The following NAPEPLD variants were observed in gnomAD, a reference collection of about 807,000 sequenced individuals.
NAPEPLD encodes the protein N-acyl-phosphatidylethanolamine-hydrolyzing phospholipase D.
NAPEPLD carries 23 observed loss-of-function variants against 38.1 expected under a neutral mutation model. The observed-to-expected ratio is 0.60, with a 90% CI of 0.43 to 0.86. The LOEUF is 0.86. Among genes scored for constraint, NAPEPLD ranks in the 40% least tolerant of loss-of-function variants. NAPEPLD has a pLI of 0.00. For missense variants in NAPEPLD, 411 were observed against 476.8 expected, an observed-to-expected ratio of 0.86 and a Z score of 1.28; for synonymous variants, 147 against 162.0, an observed-to-expected ratio of 0.91 and a Z score of 0.71.
At chr7:103,145,742 T>C (rs1812407793) in intron 1 of NAPEPLD, among the ~76,000 whole-genome samples, 1 of 152,358 alleles carries the variant, frequency 6.6e-6, no homozygotes, top group Middle Eastern at 3.4e-3. Context: ...TGGCTGATGA[T>C]GGAGCCTGGA....
intron 4 of NAPEPLD, among the ~76,000 whole-genome samples, chr7:103,113,818 C>T (rs947299704): frequency 6.6e-6 from 1 of 151,368 alleles, no homozygotes; most frequent in Admixed American, 6.6e-5. Context: ...GATGGGTTTT[C>T]ATCATGTTGG....
At position 103,120,366 on chromosome 7, in the gene NAPEPLD, G is replaced by T. The variant is rs10252006; in HGVS notation, c.295-143C>A. On this transcript the variant is annotated intron_variant, in intron 2 of 4. Coordinates refer to ENST00000465647, the MANE Select transcript of NAPEPLD (RefSeq NM_001122838.3). ...CATTCAATAAACTTGCTACACTTTT[G>T]CTTTTTTCTTGAAAATGCATACTTC... 3.2e-3 allele frequency: 2,700 copies of T among 848,036 alleles called. 49 individuals carry two copies. The African/African-American group carries it at 0.042, about 13-fold the overall frequency. 52.5% of individuals were successfully genotyped at this position (848,036 alleles called of 1,614,324 possible).
At chr7:103,139,038 G>A (rs1039079811) in intron 1 of NAPEPLD, among the ~76,000 whole-genome samples, 7 of 152,164 alleles carry the variant, frequency 4.6e-5, no homozygotes, top group Admixed American at 3.9e-4. Flanking sequence ...GATAAGCGAA[G>A]TATTTCACCT....
At chr7:103,129,013 C>T (rs570973562) in intron 1 of NAPEPLD, among the ~76,000 whole-genome samples, 1 of 152,320 alleles carries the variant, frequency 6.6e-6, no homozygotes, top group South Asian at 2.1e-4. Flanking sequence ...CACCTATAAT[C>T]CCAGCACTTT....
At chr7:103,127,764 TAAGGA>T (rs1476077592) in intron 2 of NAPEPLD, 1 of 152,094 alleles carries the variant, frequency 6.6e-6, no homozygotes, top group Non-Finnish European at 1.5e-5. Context: ...GAGAGGTATA[TAAGGA>T]AAGGAGACAC....
chr7:103,119,655 C>T lies in NAPEPLD; in HGVS notation c.863G>A (p.Cys288Tyr). The T allele has an allele frequency of 3.1e-6, 5 of 1,613,982 alleles. No homozygotes were observed. The highest frequency in any genetic ancestry group is 2.2e-5 in the East Asian group (1 of 44,866). Residue 288 changes from cysteine to tyrosine, a missense_variant, in exon 3 of 5, where the codon TGC (cysteine) becomes TAC (tyrosine). Transcript: ENST00000465647. ...RFFFAGDTGY[C>Y]PAFEEIGKRF... ...TTTTCCTATCTCTTCAAAAGCAGGG[C>T]AATAACCAGTATCTCCTGCGAAAAA...
chr7:103,149,210 C>A, upstream of NAPEPLD: 1 of 996,880 alleles, frequency 1.0e-6, no homozygotes, highest in East Asian at 1.1e-4. Context: ...GAGCTCCGGA[C>A]ACTCGGGATC....
chr7:103,137,928 T>C (rs1430798250), intron 1 of NAPEPLD, among the ~76,000 whole-genome samples: 1 of 151,184 alleles, frequency 6.6e-6, no homozygotes, highest in Non-Finnish European at 1.5e-5. Context: ...TTGATGCCTG[T>C]GGAACTTGAA....
Position 103,149,016 on chromosome 7 carries a change from A to T in NAPEPLD, c.-222T>A, listed in dbSNP as rs991589622. 1 of 985,204 alleles carries T rather than the reference A, an allele frequency of 1.0e-6. No individual in the cohort carries two copies. Among genetic ancestry groups the T allele is most frequent in the African/African-American group, 1.7e-5 (1 of 57,182 alleles). The allele number at this position is 985,204 out of a possible 1,614,324, so 61.0% of individuals were successfully genotyped here. A position where few individuals can be genotyped will look rare whatever the true frequency, so the allele number is the denominator to read the frequency against. ...TCACAAGTGCGGCATCTCCGAGATG[A>T]GGGAGGGCTCGGGGACGGGAAACCC... On this transcript the variant is annotated 5_prime_UTR_variant, in exon 1 of 5. Transcript: ENST00000465647.
chr7:103,135,132 T>C (rs1370362696), intron 1 of NAPEPLD, among the ~76,000 whole-genome samples: 1 of 152,214 alleles, frequency 6.6e-6, no homozygotes, highest in East Asian at 1.9e-4. Context: ...AATTGAGTTC[T>C]TGTCCATTAC....
intron 3 of NAPEPLD, among the ~76,000 whole-genome samples, chr7:103,116,619 C>T (rs1050850588): frequency 6.6e-6 from 1 of 152,134 alleles, no homozygotes; most frequent in African/African-American, 2.4e-5. Flanking sequence ...AATTACTATT[C>T]AAGAAATTTT....
chr7:103,128,822 G>C (rs1808361240), intron 1 of NAPEPLD, 30 bp from the exon 2 acceptor site: 1 of 1,575,312 alleles, frequency 6.3e-7, no homozygotes, highest in Non-Finnish European at 8.6e-7. Flanking sequence ...AAAATACTGA[G>C]TTGAACATAA....
chr7:103,140,423 T>C (rs891530382), intron 1 of NAPEPLD, among the ~76,000 whole-genome samples: 6 of 144,772 alleles, frequency 4.1e-5, no homozygotes, highest in South Asian at 2.3e-4. Context: ...AACAGAGTCT[T>C]GCTCAGTCGC....
In NAPEPLD at chr7:103,142,556, A is replaced by G. The variant is rs185218114; in HGVS notation, c.-17+6255T>C. Among the ~76,000 whole-genome samples the G allele has an allele frequency of 6.4e-3, 969 of 152,300 alleles. 13 individuals are homozygous for G. Among genetic ancestry groups the G allele is most frequent in the African/African-American group, 0.022 (929 of 41,568 alleles). On this transcript the variant is annotated intron_variant, in intron 1 of 4. Transcript: ENST00000465647. ...GGGAGGCAGAGGTTGCAGTGAGCCA[A>G]GATCGTGCCACTGCACTGCAGCCTG...
rs1802702469 is a variant in NAPEPLD at position 103,103,531 on chromosome 7, C to T, written c.1080G>A (p.Lys360=). The change falls in exon 5 of 5, where the codon AAG becomes AAA. Residue 360 remains lysine (K), a synonymous_variant. Transcript: ENST00000465647. ...ANEHYLEPPV[K]LNEALERYGL... is the part of the protein sequence containing the mutation. ...CGTATCTCTCTAGAGCTTCATTCAGCTTCACTGGAGGCTCTAAGTAATGCT... is the reference window on the plus strand; with the variant it reads ...CGTATCTCTCTAGAGCTTCATTCAGTTTCACTGGAGGCTCTAAGTAATGCT... The T allele has an allele frequency of 4.4e-6, 7 of 1,591,882 alleles. No individual in the cohort carries two copies. In the South Asian group the frequency reaches 8.2e-5, roughly 19 times the overall value.
At position 103,100,788 on chromosome 7, in the gene NAPEPLD, A is replaced by T. The variant is rs1802286549; in HGVS notation, c.*2641T>A. 1 of 152,254 alleles carries T rather than the reference A, an allele frequency of 6.6e-6. No individual in the cohort carries two copies. The highest frequency in any genetic ancestry group is 2.1e-4 in the South Asian group (1 of 4,832). 9.4% of individuals were successfully genotyped at this position (152,254 alleles called of 1,614,324 possible). Reference sequence around the variant, plus strand: ...TTTGCACATAAACCCTTCAAAATGTAGATAACAAATGAAAAATAAAGTGGA... The same window carrying T: ...TTTGCACATAAACCCTTCAAAATGTTGATAACAAATGAAAAATAAAGTGGA... On this transcript the variant is annotated 3_prime_UTR_variant, in exon 5 of 5. Coordinates refer to ENST00000465647, the MANE Select transcript of NAPEPLD (RefSeq NM_001122838.3).
rs1283019933 is a variant in NAPEPLD, at chr7:103,141,746, T to C, written c.-17+7065A>G. 3 of 858,980 alleles carry C rather than the reference T, an allele frequency of 3.5e-6. No individual in the cohort carries two copies. The Admixed American group carries it at 5.1e-5, about 15-fold the overall frequency. 53.2% of individuals were successfully genotyped at this position (858,980 alleles called of 1,614,324 possible). On this transcript the variant is annotated intron_variant, in intron 1 of 4. Coordinates refer to ENST00000465647, the MANE Select transcript of NAPEPLD (RefSeq NM_001122838.3). Reference sequence around the variant, plus strand: ...GCCCTTCCGGCAGGCCAAGGTGTTTTTCCGGCATCAAGCGGGGGAATGGAC... The same window carrying C: ...GCCCTTCCGGCAGGCCAAGGTGTTTCTCCGGCATCAAGCGGGGGAATGGAC...
At chr7:103,139,706 G>A (rs116348562) in intron 1 of NAPEPLD, among the ~76,000 whole-genome samples, 118 of 152,340 alleles carry the variant, frequency 7.7e-4, no homozygotes, top group African/African-American at 2.7e-3. Flanking sequence ...TCTGCCCGCA[G>A]TGTCATGCGT....
At chr7:103,141,936 T>C in intron 1 of NAPEPLD, 1 of 940,832 alleles carries the variant, frequency 1.1e-6, no homozygotes, top group Non-Finnish European at 1.8e-6. Flanking sequence ...CTGAGCATAC[T>C]CAAGGCTGCA....
Sources: allele counts gnomAD v4.1 joint callset (sites outside exome capture counted in the v4.1 genomes callset), GRCh38; gene constraint gnomAD v4.1.1; transcripts MANE v1.5; gene names NCBI Gene and HGNC (gene_info 2026-07-23, HGNC 2026-07-21).